Variants in SNX29 observed in about 807,000 individuals in gnomAD.
The protein encoded by SNX29 is sorting nexin-29.
Under a neutral mutation model 102.1 loss-of-function variants are expected in SNX29, and 78 were observed. That is an observed-to-expected ratio of 0.76 (90% CI 0.64 to 0.92). The LOEUF (loss-of-function observed/expected upper bound fraction) is 0.92, where lower values mean the gene tolerates loss of function less well. Among genes scored for constraint, SNX29 ranks in the 40% least tolerant of loss-of-function variants. The probability of loss-of-function intolerance (pLI) is 0.00; values close to 1 mark genes in which losing one functional copy is unlikely to be tolerated. For missense variants in SNX29, 1,280 were observed against 1,061.7 expected (o/e 1.21, Z -2.86); for synonymous variants, 580 against 414.5 (o/e 1.40, Z -4.85).
intron 20 of SNX29, among the ~76,000 whole-genome samples, chr16:12,561,892 C>T (rs1461594450): frequency 6.6e-6 from 1 of 152,168 alleles, no homozygotes; most frequent in African/African-American, 2.4e-5. Flanking sequence ...GTGACCGTGG[C>T]ATCCCAGGAG....
At chr16:12,413,194 AGGG>A (rs1240671862) in intron 18 of SNX29, among the ~76,000 whole-genome samples, 2 of 152,190 alleles carry the variant, frequency 1.3e-5, no homozygotes, top group Non-Finnish European at 2.9e-5. Context: ...CTAATGGAGA[AGGG>A]GAATGTGAAA....
chr16:12,147,414 AG>A (rs746509256), intron 13 of SNX29, among the ~76,000 whole-genome samples: 4 of 152,212 alleles, frequency 2.6e-5, no homozygotes, highest in Non-Finnish European at 4.4e-5. Flanking sequence ...TTCACCGGGG[AG>A]GGAAATGCTT....
At chr16:12,425,361 A>C (rs1363698852) in intron 18 of SNX29, among the ~76,000 whole-genome samples, 1 of 151,902 alleles carries the variant, frequency 6.6e-6, no homozygotes, top group Non-Finnish European at 1.5e-5. Context: ...ATGCCATAAG[A>C]TCAGAGTGCC....
In SNX29 at chr16:12,409,461, C is replaced by A. The variant is rs887385639; in HGVS notation, c.2037+5932C>A. Among the ~76,000 whole-genome samples the A allele has an allele frequency of 2.4e-5, 3 of 122,830 alleles. No homozygotes were observed. The Admixed American group carries it at 3.1e-4, about 12-fold the overall frequency. The allele number at this position is 122,830 out of a possible 152,430, so 80.6% of individuals were successfully genotyped here. ...TTTTTTTTTTTGAGACGGAGTCTCG[C>A]TCTGTTACCCAGGCTGGAGTGAAGT... On this transcript the variant is annotated intron_variant, in intron 18 of 20. Transcript: ENST00000566228.
chr16:12,276,431 C>T (rs1285131351), intron 14 of SNX29, among the ~76,000 whole-genome samples: 1 of 152,148 alleles, frequency 6.6e-6, no homozygotes, highest in African/African-American at 2.4e-5. Flanking sequence ...TCTGAGGAGG[C>T]TTAGCCACCT....
chr16:12,352,095 T>G (rs139418467), intron 15 of SNX29, among the ~76,000 whole-genome samples: 2 of 152,114 alleles, frequency 1.3e-5, no homozygotes, highest in Non-Finnish European at 2.9e-5. Flanking sequence ...TTTAAAAAAT[T>G]TGATAGACTT....
chr16:12,394,023 C>G (rs1272931113), intron 16 of SNX29, among the ~76,000 whole-genome samples: 2 of 152,328 alleles, frequency 1.3e-5, no homozygotes, highest in Admixed American at 6.5e-5. Flanking sequence ...GGCTCAGAGT[C>G]TGGAGGCTGA....
intron 13 of SNX29, among the ~76,000 whole-genome samples, chr16:12,192,888 G>A (rs2141914481): frequency 6.6e-6 from 1 of 152,180 alleles, no homozygotes; most frequent in East Asian, 1.9e-4. Context: ...ATTTAGTAGA[G>A]GCAGGGTTTC....
intron 14 of SNX29, among the ~76,000 whole-genome samples, chr16:12,268,252 A>G (rs1445980137): frequency 6.6e-6 from 1 of 152,210 alleles, no homozygotes; most frequent in African/African-American, 2.4e-5. Flanking sequence ...CAGAAGCTTC[A>G]TATTGGCACT....
At chr16:12,166,155 A>T (rs1255329254) in intron 13 of SNX29, among the ~76,000 whole-genome samples, 2 of 152,256 alleles carry the variant, frequency 1.3e-5, no homozygotes, top group African/African-American at 2.4e-5. Flanking sequence ...GTGGTTTGCC[A>T]AAGTGGATAC....
chr16:12,515,099 T>G (rs952118680), intron 19 of SNX29, among the ~76,000 whole-genome samples: 2 of 152,058 alleles, frequency 1.3e-5, no homozygotes, highest in African/African-American at 4.8e-5. Flanking sequence ...ATAATGATGA[T>G]GGTCATTATT....
intron 20 of SNX29, among the ~76,000 whole-genome samples, chr16:12,560,165 TCAC>T (rs1361067186): frequency 1.5e-5 from 2 of 133,074 alleles, no homozygotes; most frequent in Non-Finnish European, 3.1e-5. Context: ...AAAGCCTTTC[TCAC>T]TTTTTTTTAA....
intron 13 of SNX29, among the ~76,000 whole-genome samples, chr16:12,188,661 G>C (rs1355006898): frequency 2.6e-5 from 4 of 152,156 alleles, no homozygotes; most frequent in African/African-American, 7.2e-5. Flanking sequence ...TTACCAGGTG[G>C]CTAATGAGAT....
At position 12,218,319 on chromosome 16, in the gene SNX29, C is replaced by T. The variant is rs1453828387; in HGVS notation, c.1678+18636C>T. ...GATCACCAGAGGTAATCACACAAAT[C>T]TACTCCACAAACAAACGTATATCTA... On this transcript the variant is annotated intron_variant, in intron 14 of 20. Coordinates refer to ENST00000566228, the MANE Select transcript of SNX29 (RefSeq NM_032167.5). 2.0e-5 allele frequency among the ~76,000 whole-genome samples: 3 copies of T among 152,112 alleles called. No individual in the cohort carries two copies. The East Asian group carries it at 5.8e-4, about 29-fold the overall frequency.
intron 3 of SNX29, among the ~76,000 whole-genome samples, chr16:12,023,111 G>A (rs1567536967): frequency 6.6e-6 from 1 of 151,914 alleles, no homozygotes; most frequent in Non-Finnish European, 1.5e-5. Context: ...TGGCCAGGCT[G>A]GTCTCGAACT....
intron 19 of SNX29, among the ~76,000 whole-genome samples, chr16:12,479,590 A>G (rs1431492414): frequency 4.6e-5 from 7 of 152,296 alleles, no homozygotes; most frequent in East Asian, 3.9e-4. Flanking sequence ...GAAACTCTAT[A>G]CTTGTTCATA....
chr16:12,002,856 G>A lies in SNX29; in HGVS notation c.70-135G>A. On this transcript the variant is annotated intron_variant, in intron 2 of 20. Coordinates refer to ENST00000566228, the MANE Select transcript of SNX29 (RefSeq NM_032167.5). The stretch of plus-strand genomic sequence containing the variant: ...CTTGTGCTGATACCCAGGGGACAGG[G>A]ACGTCCTCACTTGGCATGCAGAGCT... 5 of 885,310 alleles carry A rather than the reference G, an allele frequency of 5.6e-6. No homozygotes were observed. The South Asian group carries it at 7.8e-5, about 14-fold the overall frequency. The allele number at this position is 885,310 out of a possible 1,614,324, so 54.8% of individuals were successfully genotyped here.
At chr16:12,112,472 C>G (rs17217283) in intron 11 of SNX29, among the ~76,000 whole-genome samples, 5,877 of 152,278 alleles carry the variant, frequency 0.039, 136 homozygotes, top group Non-Finnish European at 0.062. Context: ...CATGAAGGTG[C>G]TGCCATCAGG....
At chr16:12,433,198 G>A (rs1012393769) in intron 18 of SNX29, among the ~76,000 whole-genome samples, 20 of 152,300 alleles carry the variant, frequency 1.3e-4, no homozygotes, top group African/African-American at 4.6e-4. Context: ...ACAGTTCTGG[G>A]CAGCTTTTGT....
Sources: gnomAD v4.1 joint callset for allele counts (sites outside exome capture counted in the v4.1 genomes callset) on GRCh38, gnomAD v4.1.1 for gene constraint, MANE v1.5 for transcripts, NCBI Gene and HGNC (gene_info 2026-07-23, HGNC 2026-07-21) for gene names.